The following SQOR variants were observed in gnomAD, a reference collection of about 807,000 sequenced individuals.
SQOR encodes the protein sulfide quinone oxidoreductase.
In SQOR, 39 loss-of-function variants were observed where a neutral mutation model predicts 48.6. That is an observed-to-expected ratio of 0.80 (90% CI 0.62 to 1.05). The LOEUF is 1.05. SQOR is among the 50% of genes least tolerant of loss of function. The pLI is 0.00. For missense variants in SQOR, 561 were observed against 559.9 expected (o/e 1.00, Z -0.02); for synonymous variants, 220 against 206.2 (o/e 1.07, Z -0.57).
intron 1 of SQOR, among the ~76,000 whole-genome samples, chr15:45,644,315 A>G (rs1895162103): frequency 1.3e-5 from 2 of 152,084 alleles, no homozygotes; most frequent in Non-Finnish European, 2.9e-5. Context: ...TAAACTCCTG[A>G]CCTCAAGTGA....
intron 1 of SQOR, among the ~76,000 whole-genome samples, chr15:45,640,932 G>A (rs1475206337): frequency 3.3e-5 from 5 of 152,308 alleles, no homozygotes; most frequent in Non-Finnish European, 7.4e-5. Flanking sequence ...CCAACTATGA[G>A]TGGTGGGGTT....
At chr15:45,676,938 G>A (rs1342860089) in intron 6 of SQOR, among the ~76,000 whole-genome samples, 2 of 152,042 alleles carry the variant, frequency 1.3e-5, no homozygotes. Context: ...CTACCCGGGA[G>A]GCTGAGGCAG....
intron 1 of SQOR, among the ~76,000 whole-genome samples, chr15:45,649,282 A>G (rs1889414983): frequency 1.3e-5 from 2 of 152,186 alleles, no homozygotes; most frequent in South Asian, 4.1e-4. Context: ...CTTTCAATCA[A>G]CAGGGACTTT....
intron 4 of SQOR, 113 bp from the exon 5 acceptor site, chr15:45,673,494 G>A (rs1889978030): frequency 8.5e-7 from 1 of 1,182,124 alleles, no homozygotes; most frequent in Admixed American, 2.1e-5. Flanking sequence ...TGTGGGTATT[G>A]GAGGGTAATG....
chr15:45,632,669 T>C (rs570916599), upstream of SQOR, among the ~76,000 whole-genome samples: 36 of 152,264 alleles, frequency 2.4e-4, no homozygotes, highest in South Asian at 1.9e-3. Flanking sequence ...GTGATGGGAC[T>C]GGGAAGTGGG....
At chr15:45,687,757 C>G (rs1020080885) in intron 7 of SQOR, among the ~76,000 whole-genome samples, 3 of 152,194 alleles carry the variant, frequency 2.0e-5, no homozygotes, top group African/African-American at 7.2e-5. Context: ...GTCTGTCTGT[C>G]TGTCTATCTA....
chr15:45,662,225 A>T, intron 3 of SQOR, 100 bp downstream of exon 3: 1 of 1,292,376 alleles, frequency 7.7e-7, no homozygotes, highest in Non-Finnish European at 1.1e-6. Flanking sequence ...AGCGGTATAT[A>T]TGCATGTGTG....
At chr15:45,677,896 C>T (rs1009442513) in intron 6 of SQOR, among the ~76,000 whole-genome samples, 47 of 152,008 alleles carry the variant, frequency 3.1e-4, no homozygotes, top group Middle Eastern at 3.4e-3. Context: ...TTAGTAGCGG[C>T]GAGGTTTCAC....
chr15:45,678,622 C>G (rs1890075909), intron 6 of SQOR, among the ~76,000 whole-genome samples: 2 of 151,930 alleles, frequency 1.3e-5, no homozygotes, highest in Admixed American at 6.6e-5. Flanking sequence ...TATCTATCTG[C>G]AGCAGCTCAG....
At chr15:45,634,435 A>G (rs77076302), upstream of SQOR, among the ~76,000 whole-genome samples, 1,255 of 151,946 alleles carry the variant, frequency 8.3e-3, 15 homozygotes, top group African/African-American at 0.029. Context: ...AGAGCCGCCA[A>G]CTGAAAATGT....
intron 6 of SQOR, among the ~76,000 whole-genome samples, chr15:45,677,987 A>G (rs972227685): frequency 3.3e-5 from 5 of 152,064 alleles, no homozygotes; most frequent in South Asian, 2.1e-4. Flanking sequence ...GATTACAGGC[A>G]TGAGCCATCG....
chr15:45,673,563 A>T, intron 4 of SQOR, 44 bp from the exon 5 acceptor site: 1 of 1,589,222 alleles, frequency 6.3e-7, no homozygotes, highest in Non-Finnish European at 8.6e-7. Context: ...CTCTAAAGAC[A>T]TTTGCACTTT....
At chr15:45,677,038 CT>C (rs1890048984) in intron 6 of SQOR, among the ~76,000 whole-genome samples, 1 of 113,294 alleles carries the variant, frequency 8.8e-6, no homozygotes, top group Non-Finnish European at 1.8e-5. Flanking sequence ...GAGACTCCGT[CT>C]AAAAAAAAAA....
chr15:45,644,152 A>T (rs1895157356), intron 1 of SQOR, among the ~76,000 whole-genome samples: 1 of 151,850 alleles, frequency 6.6e-6, no homozygotes, highest in Non-Finnish European at 1.5e-5. Flanking sequence ...CAGTGACGCG[A>T]TCTCGGCTCA....
intron 2 of SQOR, among the ~76,000 whole-genome samples, chr15:45,661,289 TTAAAAAAA>T (rs1889714464): frequency 2.4e-5 from 2 of 84,378 alleles, no homozygotes; most frequent in African/African-American, 9.2e-5. Flanking sequence ...AGACTCTGTC[TTAAAAAAA>T]AAAAAAAAAA....
chr15:45,642,993 C>A (rs979045533), intron 1 of SQOR, among the ~76,000 whole-genome samples: 4 of 152,202 alleles, frequency 2.6e-5, no homozygotes, highest in Admixed American at 2.6e-4. Context: ...TCTCCTCCAA[C>A]AGGAGGGTTA....
intron 1 of SQOR, among the ~76,000 whole-genome samples, chr15:45,651,884 C>T (rs1889498991): frequency 6.6e-6 from 1 of 151,988 alleles, no homozygotes; most frequent in Admixed American, 6.6e-5. Context: ...TCTCCTTCTT[C>T]TTCTTCTTCT....
At chr15:45,663,984 T>TA (rs2140950581) in intron 3 of SQOR, among the ~76,000 whole-genome samples, 1 of 152,276 alleles carries the variant, frequency 6.6e-6, no homozygotes, top group African/African-American at 2.4e-5. Context: ...AGGGAGAACA[T>TA]ACAATCAACA....
intron 1 of SQOR, among the ~76,000 whole-genome samples, chr15:45,640,614 G>A (rs1206126247): frequency 6.6e-6 from 1 of 152,128 alleles, no homozygotes; most frequent in Non-Finnish European, 1.5e-5. Context: ...TTCTCATTAT[G>A]GTAAGACCTC....
Sources: gnomAD v4.1 joint callset for allele counts (sites outside exome capture counted in the v4.1 genomes callset) on GRCh38, gnomAD v4.1.1 for gene constraint, MANE v1.5 for transcripts, NCBI Gene and HGNC (gene_info 2026-07-23, HGNC 2026-07-21) for gene names.